ADAM12: variants seen among roughly 807,000 people sequenced by gnomAD.
ADAM12 encodes the protein ADAM metallopeptidase domain 12.
In ADAM12, 70 loss-of-function variants were observed where a neutral mutation model predicts 106.4. That is an observed-to-expected ratio of 0.66 (90% confidence interval 0.54 to 0.80). ADAM12 has a LOEUF of 0.80. Ranked by LOEUF, ADAM12 falls within the 30% of genes least tolerant of loss-of-function variation. The pLI, the probability that ADAM12 is intolerant of heterozygous loss-of-function variation, is 0.00. For missense variants in ADAM12, 1,010 were observed against 1,171.9 expected (o/e 0.86, Z 2.02); for synonymous variants, 420 against 433.5 (o/e 0.97, Z 0.39).
intron 14 of ADAM12, among the ~76,000 whole-genome samples, chr10:126,063,623 G>A (rs762446571): frequency 7.9e-5 from 12 of 152,148 alleles, no homozygotes; most frequent in Non-Finnish European, 1.6e-4. Context: ...TCTCTGGCCT[G>A]GGCTGAGGTC....
At chr10:126,097,196 G>A (rs778317061) in intron 10 of ADAM12, among the ~76,000 whole-genome samples, 8 of 152,218 alleles carry the variant, frequency 5.3e-5, no homozygotes, top group Non-Finnish European at 1.0e-4. Flanking sequence ...TCTTAAAAAT[G>A]TACAGTCTGC....
intron 2 of ADAM12, among the ~76,000 whole-genome samples, chr10:126,287,506 T>A (rs1565192128): frequency 6.6e-6 from 1 of 152,158 alleles, no homozygotes; most frequent in South Asian, 2.1e-4. Flanking sequence ...ATTCCTGAGC[T>A]TAGTGATGCC....
At chr10:126,097,710 G>T (rs571568173) in intron 10 of ADAM12, among the ~76,000 whole-genome samples, 5 of 152,152 alleles carry the variant, frequency 3.3e-5, no homozygotes, top group African/African-American at 1.2e-4. Flanking sequence ...ACAGCATAGG[G>T]TGAAAACCTC....
At chr10:126,366,340 C>T (rs1332801443) in intron 1 of ADAM12, among the ~76,000 whole-genome samples, 2 of 152,040 alleles carry the variant, frequency 1.3e-5, no homozygotes, top group Non-Finnish European at 2.9e-5. Context: ...TTCCATGCAG[C>T]CTTTTAGGAT....
chr10:126,348,624 C>T (rs1590811399), intron 1 of ADAM12, among the ~76,000 whole-genome samples: 1 of 152,248 alleles, frequency 6.6e-6, no homozygotes, highest in Non-Finnish European at 1.5e-5. Context: ...ACAGAACACT[C>T]TTTTTATTCT....
At chr10:126,251,303 C>G (rs996216668) in intron 3 of ADAM12, among the ~76,000 whole-genome samples, 1 of 152,198 alleles carries the variant, frequency 6.6e-6, no homozygotes, top group Non-Finnish European at 1.5e-5. Context: ...TTTGTCTTGC[C>G]TGCAATCAAA....
At chr10:126,114,162 A>G (rs1290334148) in intron 6 of ADAM12, among the ~76,000 whole-genome samples, 2 of 152,146 alleles carry the variant, frequency 1.3e-5, no homozygotes, top group African/African-American at 2.4e-5. Flanking sequence ...CACTGATCAT[A>G]TCCACACAGG....
intron 3 of ADAM12, among the ~76,000 whole-genome samples, chr10:126,178,356 A>G (rs1957255649): frequency 1.3e-5 from 2 of 151,690 alleles, no homozygotes; most frequent in South Asian, 2.1e-4. Flanking sequence ...AGGAAAATCG[A>G]GAAATACTTA....
intron 3 of ADAM12, among the ~76,000 whole-genome samples, chr10:126,161,764 G>C (rs1052237910): frequency 6.6e-6 from 1 of 152,168 alleles, no homozygotes; most frequent in Non-Finnish European, 1.5e-5. Flanking sequence ...GAGAACTAAG[G>C]GGGGTGGATG....
intron 3 of ADAM12, among the ~76,000 whole-genome samples, chr10:126,253,353 T>A (rs941743375): frequency 6.6e-6 from 1 of 152,256 alleles, no homozygotes; most frequent in African/African-American, 2.4e-5. Context: ...TTTCATCTGC[T>A]CGCCAATGTG....
chr10:126,323,100 A>T (rs1854163052), intron 2 of ADAM12, among the ~76,000 whole-genome samples: 2 of 152,190 alleles, frequency 1.3e-5, no homozygotes, highest in South Asian at 4.1e-4. Flanking sequence ...TGTGCATGTC[A>T]TATGATGATA....
chr10:126,019,899 GCT>G, intron 21 of ADAM12, 74 bp from the exon 22 acceptor site: 1 of 1,481,400 alleles, frequency 6.8e-7, no homozygotes, highest in Non-Finnish European at 9.0e-7. Context: ...AGGGCCTGCC[GCT>G]TGGCACAGGC....
chr10:126,367,459 G>C (rs1325058736), intron 1 of ADAM12, among the ~76,000 whole-genome samples: 2 of 151,848 alleles, frequency 1.3e-5, no homozygotes, highest in Admixed American at 6.6e-5. Context: ...GGCTGTACTA[G>C]AAATTGAGAA....
At chr10:126,309,899 A>G (rs1288551008) in intron 2 of ADAM12, among the ~76,000 whole-genome samples, 1 of 152,132 alleles carries the variant, frequency 6.6e-6, no homozygotes, top group Non-Finnish European at 1.5e-5. Context: ...TGGCTCACGC[A>G]GGTAATCCCA....
chr10:126,134,481 C>A (rs1453945474), intron 5 of ADAM12, among the ~76,000 whole-genome samples: 1 of 152,146 alleles, frequency 6.6e-6, no homozygotes, highest in Non-Finnish European at 1.5e-5. Context: ...CTGAGTGGGA[C>A]TGGAACGGGA....
intron 1 of ADAM12, among the ~76,000 whole-genome samples, chr10:126,384,647 T>C (rs1590851050): frequency 6.6e-6 from 1 of 151,410 alleles, no homozygotes; most frequent in Non-Finnish European, 1.5e-5. Flanking sequence ...TGAAAGGAGG[T>C]TGATAGTTCT....
intron 3 of ADAM12, among the ~76,000 whole-genome samples, chr10:126,247,432 A>G (rs955410908): frequency 6.6e-6 from 1 of 152,120 alleles, no homozygotes; most frequent in African/African-American, 2.4e-5. Flanking sequence ...ACCAAATTTC[A>G]CTCATGTATC....
At chr10:126,055,138 A>G (rs1954601235) in intron 14 of ADAM12, among the ~76,000 whole-genome samples, 1 of 152,160 alleles carries the variant, frequency 6.6e-6, no homozygotes, top group African/African-American at 2.4e-5. Flanking sequence ...CATCCAGCAC[A>G]AGGATTTCAA....
At chr10:126,333,741 A>T (rs1251195782) in intron 1 of ADAM12, among the ~76,000 whole-genome samples, 1 of 152,196 alleles carries the variant, frequency 6.6e-6, no homozygotes. Context: ...AAATATTCCA[A>T]CCACTGAAAC....
Sources: allele counts gnomAD v4.1 joint callset (sites outside exome capture counted in the v4.1 genomes callset), GRCh38; gene constraint gnomAD v4.1.1; transcripts MANE v1.5; gene names NCBI Gene and HGNC (gene_info 2026-07-23, HGNC 2026-07-21).